Variants in SLC35H1 observed in about 807,000 individuals in gnomAD.
The protein encoded by SLC35H1 is ovarian cancer-overexpressed gene 1 protein.
the SLC35H1 span, chr20:46,357,569 T>A: frequency 6.3e-7 from 1 of 1,585,286 alleles, no homozygotes; most frequent in African/African-American, 1.3e-5. Flanking sequence ...GTTCTCATCC[T>A]ATGGTTCCCC....
chr20:46,347,928 C>A, the SLC35H1 span: 1 of 152,264 alleles, frequency 6.6e-6, no homozygotes, highest in Non-Finnish European at 1.5e-5. Flanking sequence ...CTCGAACCTG[C>A]AGGTCAGTCC....
chr20:46,349,216 C>CGG, the SLC35H1 span: 3 of 152,230 alleles, frequency 2.0e-5, no homozygotes, highest in African/African-American at 7.2e-5. Flanking sequence ...CCCCAAGGGC[C>CGG]GGGGGGGTCT....
At chr20:46,358,955 T>A in the SLC35H1 span, 2 of 602,762 alleles carry the variant, frequency 3.3e-6, no homozygotes, top group Non-Finnish European at 5.9e-6. Context: ...GCCACCAAAG[T>A]GACCTTTTAA....
At chr20:46,362,620 T>G in the SLC35H1 span, among the ~76,000 whole-genome samples, 2 of 152,118 alleles carry the variant, frequency 1.3e-5, no homozygotes, top group Non-Finnish European at 2.9e-5. Context: ...CTTACTCCCC[T>G]CCTGGTCCCC....
At chr20:46,353,389 C>T in the SLC35H1 span, among the ~76,000 whole-genome samples, 1 of 152,198 alleles carries the variant, frequency 6.6e-6, no homozygotes, top group East Asian at 1.9e-4. Context: ...AAGAATGACT[C>T]CCGGCGTCCC....
At chr20:46,347,257 AT>A in the SLC35H1 span, 1 of 152,360 alleles carries the variant, frequency 6.6e-6, no homozygotes, top group Admixed American at 6.5e-5. Flanking sequence ...ATCCTTAGCC[AT>A]CGTTATGCTT....
At chr20:46,356,710 G>C in the SLC35H1 span, 1 of 1,425,868 alleles carries the variant, frequency 7.0e-7, no homozygotes, top group South Asian at 1.2e-5. Context: ...GTACCCTGAG[G>C]CACCTGAGTG....
the SLC35H1 span, chr20:46,350,355 TG>T: frequency 6.4e-7 from 1 of 1,563,294 alleles, no homozygotes; most frequent in South Asian, 1.2e-5. Context: ...GGCAGCAGGC[TG>T]GGGAGTGGCC....
the SLC35H1 span, chr20:46,348,984 C>T: frequency 2.6e-5 from 4 of 152,348 alleles, no homozygotes; most frequent in South Asian, 6.2e-4. Flanking sequence ...TTCTCCTGGG[C>T]TTAACCGAAC....
At chr20:46,363,452 G>A in the SLC35H1 span, among the ~76,000 whole-genome samples, 1 of 152,092 alleles carries the variant, frequency 6.6e-6, no homozygotes, top group Non-Finnish European at 1.5e-5. Flanking sequence ...TATTTCTCAC[G>A]CTCCCAATCT....
chr20:46,363,585 A>G, the SLC35H1 span, among the ~76,000 whole-genome samples: 3 of 152,244 alleles, frequency 2.0e-5, no homozygotes, highest in Non-Finnish European at 4.4e-5. Flanking sequence ...CTGCCCTGTC[A>G]GTTCCACTTT....
At chr20:46,352,016 C>CT in the SLC35H1 span, 1 of 1,608,760 alleles carries the variant, frequency 6.2e-7, no homozygotes, top group Non-Finnish European at 8.5e-7. Context: ...GGCTCCCTCT[C>CT]TAAGACAGGA....
At chr20:46,357,878 G>A in the SLC35H1 span, 1 of 1,262,272 alleles carries the variant, frequency 7.9e-7, no homozygotes, top group Non-Finnish European at 1.1e-6. Context: ...CTCATTCGGT[G>A]GTTCATGAGG....
chr20:46,359,601 C>A, the SLC35H1 span, among the ~76,000 whole-genome samples: 1 of 152,206 alleles, frequency 6.6e-6, no homozygotes, highest in South Asian at 2.1e-4. Context: ...GGAAGCAGAG[C>A]CTGCCTTACG....
chr20:46,354,928 C>A, the SLC35H1 span: 18 of 1,613,614 alleles, frequency 1.1e-5, no homozygotes, highest in Non-Finnish European at 1.4e-5. Context: ...ACATGAGTGG[C>A]TGCAGGTGGA....
At chr20:46,348,257 G>A in the SLC35H1 span, 6 of 152,182 alleles carry the variant, frequency 3.9e-5, no homozygotes, top group Non-Finnish European at 7.3e-5. Context: ...CAACATGTGC[G>A]AGGTAAGGGC....
chr20:46,352,936 G>C, the SLC35H1 span: 2 of 152,432 alleles, frequency 1.3e-5, no homozygotes, highest in Non-Finnish European at 2.9e-5. Context: ...GCTCATGGCT[G>C]CTGACTTCAT....
At chr20:46,351,385 G>T in the SLC35H1 span, among the ~76,000 whole-genome samples, 4 of 152,236 alleles carry the variant, frequency 2.6e-5, no homozygotes, top group Non-Finnish European at 4.4e-5. Context: ...GCCACCAGAA[G>T]ACCCTTGGAC....
chr20:46,358,751 G>T, the SLC35H1 span: 5 of 1,537,128 alleles, frequency 3.3e-6, no homozygotes, highest in African/African-American at 6.9e-5. Context: ...GCGCTCACAG[G>T]TCCCAAGGTC....
Sources: allele counts gnomAD v4.1 joint callset (sites outside exome capture counted in the v4.1 genomes callset), GRCh38; gene constraint gnomAD v4.1.1; transcripts MANE v1.5; gene names NCBI Gene and HGNC (gene_info 2026-07-23, HGNC 2026-07-21).